The following EXOSC3 variants were observed in gnomAD, a reference collection of about 807,000 sequenced individuals.
The protein encoded by EXOSC3 is exosome complex component RRP40.
A neutral mutation model predicts 25.1 loss-of-function variants in EXOSC3; 18 were observed. The ratio of observed to expected loss-of-function variants is 0.72; its 90% CI spans 0.50 to 1.06. The LOEUF is 1.06. EXOSC3 is among the 50% of genes least tolerant of loss of function. EXOSC3 has a pLI of 0.00. For missense variants in EXOSC3, 382 were observed against 350.9 expected (o/e 1.09, Z -0.71); for synonymous variants, 165 against 132.2 (o/e 1.25, Z -1.70).
chr9:37,785,081 TTCCGCTTCCGC>T (rs1222886704), upstream of EXOSC3: 6 of 1,551,882 alleles, frequency 3.9e-6, no homozygotes, highest in East Asian at 1.2e-4. Flanking sequence ...GGTACCCGCC[TTCCGCTTCCGC>T]TCCGCTTCCA....
chr9:37,784,428 C>T, intron 1 of EXOSC3: 2 of 522,010 alleles, frequency 3.8e-6, no homozygotes, highest in Non-Finnish European at 6.8e-6. Flanking sequence ...ACTCATTGAG[C>T]CTAGTCCTGC....
Position 37,784,052 on chromosome 9 carries a change from T to C in EXOSC3, c.336A>G (p.Val112=), listed in dbSNP as rs1459576809. 5.0e-6 allele frequency: 8 copies of C among 1,608,006 alleles called. No individual in the cohort carries two copies. The highest frequency in any genetic ancestry group is 6.8e-6 in the Non-Finnish European group (8 of 1,178,214). Residue 112 remains valine, a synonymous_variant, in exon 2 of 4, where the codon GTA becomes GTG. Coordinates refer to ENST00000327304, the MANE Select transcript of EXOSC3 (RefSeq NM_016042.4). ...VDSQQKRYVP[V]KGDHVIGIVT... ...CTATGCCAATCACATGGTCTCCTTT[T>C]ACTGGAACATACTACAAAAAGAAAC...
At position 37,782,157 on chromosome 9, in the gene EXOSC3, C is replaced by T. The variant is rs1364782559; in HGVS notation, c.475-20G>A. 1 of 1,612,406 alleles carries T rather than the reference C, an allele frequency of 6.2e-7. No individual in the cohort carries two copies. The highest frequency in any genetic ancestry group is 8.5e-7 in the Non-Finnish European group (1 of 1,179,148). On this transcript the variant is annotated intron_variant, in intron 2 of 3. Coordinates refer to ENST00000327304, the MANE Select transcript of EXOSC3 (RefSeq NM_016042.4). ...TCCAACCTACAATGATATTAAAAAC[C>T]AGTTCATTTCCTCTCAGCAAACTAC... is the stretch of plus-strand genomic sequence containing the variant.
At chr9:37,781,297 G>A (rs1235129512) in intron 3 of EXOSC3, among the ~76,000 whole-genome samples, 1 of 151,438 alleles carries the variant, frequency 6.6e-6, no homozygotes, top group Non-Finnish European at 1.5e-5. Flanking sequence ...CCATAAGGGT[G>A]GTGCTTGGTT....
chr9:37,785,076 C>T, upstream of EXOSC3: 1 of 1,562,506 alleles, frequency 6.4e-7, no homozygotes, highest in Non-Finnish European at 8.7e-7. Flanking sequence ...TTTCCGGTAC[C>T]CGCCTTCCGC....
chr9:37,783,016 G>A (rs1589060352), intron 2 of EXOSC3, among the ~76,000 whole-genome samples: 1 of 152,192 alleles, frequency 6.6e-6, no homozygotes, highest in African/African-American at 2.4e-5. Context: ...AAGGGATAGT[G>A]CAATCAAGAC....
rs753893341 is a variant in EXOSC3, at chr9:37,780,693, AT to A, written c.813del (p.Arg271SerfsTer43). ...TSDQRKQIFS[R>X]LAES is the part of the protein sequence containing the mutation. ...GTCCACCTATATCAACTTTCTGCCA[AT>A]CTGGAGAAGATCTGTTTTCTTTGAT... On this transcript the variant is annotated frameshift_variant, in exon 4 of 4. Coordinates refer to ENST00000327304, the MANE Select transcript of EXOSC3 (RefSeq NM_016042.4). LOFTEE classifies it high-confidence loss of function. 6 of 1,613,516 alleles carry A rather than the reference AT, an allele frequency of 3.7e-6. No individual in the cohort carries two copies. In the Admixed American group the frequency reaches 8.3e-5, roughly 22 times the overall value.
At position 37,779,801 on chromosome 9, in the gene EXOSC3, CAT is replaced by C. The variant is rs980612337; in HGVS notation, c.*876_*877del. The C allele has an allele frequency of 2.6e-5, 4 of 152,264 alleles. No homozygotes were observed. Among genetic ancestry groups the C allele is most frequent in the African/African-American group, 9.6e-5 (4 of 41,580 alleles). The allele number at this position is 152,264 out of a possible 1,614,324, so 9.4% of individuals were successfully genotyped here. A position where few individuals can be genotyped will look rare whatever the true frequency, so the allele number is the denominator to read the frequency against. Reference sequence around the variant, plus strand: ...TAGGCTTCAGGGGATCTGTATCTCACATATTCTCAGAGGTCTAGAAACCAAGA... The same window carrying C: ...TAGGCTTCAGGGGATCTGTATCTCACATTCTCAGAGGTCTAGAAACCAAGA... On this transcript the variant is annotated 3_prime_UTR_variant, in exon 4 of 4. Coordinates refer to ENST00000327304, the MANE Select transcript of EXOSC3 (RefSeq NM_016042.4).
chr9:37,783,995 A>G lies in EXOSC3; in HGVS notation c.393T>C (p.Val131=), dbSNP rs1157413260. Reference sequence around the variant, plus strand: ...AAGCTGGCTCACTCCCTCCAACATCAACTTTGAATATATCTCCAGATTTAG... The same window carrying G: ...AAGCTGGCTCACTCCCTCCAACATCGACTTTGAATATATCTCCAGATTTAG... ...VTAKSGDIFK[V]DVGGSEPASL... Residue 131 remains valine, a synonymous_variant, in exon 2 of 4, where the codon GTT becomes GTC. Transcript: ENST00000327304. 1.9e-6 allele frequency: 3 copies of G among 1,614,122 alleles called. No individual in the cohort carries two copies. Among genetic ancestry groups the G allele is most frequent in the Non-Finnish European group, 2.5e-6 (3 of 1,179,990 alleles).
At chr9:37,782,281 T>G in intron 2 of EXOSC3, 144 bp from the exon 3 acceptor site, 1 of 799,692 alleles carries the variant, frequency 1.3e-6, no homozygotes, top group Non-Finnish European at 2.0e-6. Context: ...CACAGTCACT[T>G]TGGAGTTGAG....
rs746924619 is a variant in EXOSC3 at position 37,780,680 on chromosome 9, C to A, written c.827G>T (p.Ter276LeuextTer10). 2 of 1,612,808 alleles carry A rather than the reference C, an allele frequency of 1.2e-6. No individual in the cohort carries two copies. The highest frequency in any genetic ancestry group is 1.1e-5 in the South Asian group (1 of 90,980). The change falls in exon 4 of 4, where the codon TGA becomes TTA. Residue 276 changes from the stop codon to leucine (L), a stop_lost. Transcript: ENST00000327304. ...GACCTGTAAAAAAGTCCACCTATAT[C>A]AACTTTCTGCCAATCTGGAGAAGAT... ...KQIFSRLAES[*>L]
chr9:37,780,637 T>C lies in EXOSC3; in HGVS notation c.*42A>G, dbSNP rs763578838. 2.6e-6 allele frequency: 4 copies of C among 1,537,920 alleles called. No homozygotes were observed. The highest frequency in any genetic ancestry group is 2.3e-5 in the South Asian group (2 of 88,214). On this transcript the variant is annotated 3_prime_UTR_variant, in exon 4 of 4. Coordinates refer to ENST00000327304, the MANE Select transcript of EXOSC3 (RefSeq NM_016042.4). ...GGGGAGGTTCACCTGAAAAAACCCATAGTTTTTTGCCTCAACTGACCTGTA... is the reference window on the plus strand; with the variant it reads ...GGGGAGGTTCACCTGAAAAAACCCACAGTTTTTTGCCTCAACTGACCTGTA...
At chr9:37,784,123 C>A (rs964023339) in intron 1 of EXOSC3, 60 bp from the exon 2 acceptor site, 6 of 1,537,848 alleles carry the variant, frequency 3.9e-6, no homozygotes. Context: ...TTGGAAGATA[C>A]CTTCAGCAAG....
chr9:37,784,355 A>T (rs1243043154), intron 1 of EXOSC3: 2 of 472,200 alleles, frequency 4.2e-6, no homozygotes, highest in East Asian at 7.2e-5. Context: ...CCCATTCCAT[A>T]GACAATTTTT....
chr9:37,783,776 C>G (rs1291319799), intron 2 of EXOSC3, 138 bp downstream of exon 2: 4 of 768,604 alleles, frequency 5.2e-6, no homozygotes. Flanking sequence ...TGAAGAAACT[C>G]TTGGAGCCTG....
Position 37,780,614 on chromosome 9 carries a change from G to A in EXOSC3, c.*65C>T, listed in dbSNP as rs1828564704. 1 of 1,234,504 alleles carries A rather than the reference G, an allele frequency of 8.1e-7. No homozygotes were observed. Among genetic ancestry groups the A allele is most frequent in the Non-Finnish European group, 1.2e-6 (1 of 845,488 alleles). The allele number at this position is 1,234,504 out of a possible 1,614,324, so 76.5% of individuals were successfully genotyped here. On this transcript the variant is annotated 3_prime_UTR_variant, in exon 4 of 4. Transcript: ENST00000327304. Reference sequence around the variant, plus strand: ...CTTATCTTCTGAGTATTTAAATGGGGGAGGTTCACCTGAAAAAACCCATAG... The same window carrying A: ...CTTATCTTCTGAGTATTTAAATGGGAGAGGTTCACCTGAAAAAACCCATAG...
chr9:37,781,231 A>G (rs1178678263), intron 3 of EXOSC3, among the ~76,000 whole-genome samples: 2 of 151,878 alleles, frequency 1.3e-5, no homozygotes, highest in African/African-American at 2.4e-5. Context: ...TTTCCTGGCC[A>G]TATTATTCTC....
intron 2 of EXOSC3, among the ~76,000 whole-genome samples, chr9:37,782,516 A>C (rs538521590): frequency 6.6e-6 from 1 of 152,362 alleles, no homozygotes; most frequent in African/African-American, 2.4e-5. Flanking sequence ...CTACCATACT[A>C]ATCAGTGCAG....
At chr9:37,782,262 T>C (rs1828612700) in intron 2 of EXOSC3, 125 bp from the exon 3 acceptor site, 1 of 937,150 alleles carries the variant, frequency 1.1e-6, no homozygotes, top group Admixed American at 2.6e-5. Context: ...GACTGCACTA[T>C]AGGATTCCCA....
Sources: gnomAD v4.1 joint callset for allele counts (sites outside exome capture counted in the v4.1 genomes callset) on GRCh38, gnomAD v4.1.1 for gene constraint, MANE v1.5 for transcripts, NCBI Gene and HGNC (gene_info 2026-07-23, HGNC 2026-07-21) for gene names.